The following PDE4B variants were observed in gnomAD, a reference collection of about 807,000 sequenced individuals.
The protein encoded by PDE4B is 3',5'-cyclic-AMP phosphodiesterase 4B.
In PDE4B, 20 loss-of-function variants were observed where a neutral mutation model predicts 82.2. The ratio of observed to expected loss-of-function variants is 0.24; its 90% CI spans 0.17 to 0.35. The LOEUF (loss-of-function observed/expected upper bound fraction) is 0.35, where lower values mean the gene tolerates loss of function less well. PDE4B is among the 10% of genes least tolerant of loss of function. PDE4B has a pLI of 1.00. For missense variants in PDE4B, 655 were observed against 907.2 expected (o/e 0.72, Z 3.57); for synonymous variants, 320 against 318.9 (o/e 1.00, Z -0.04).
At chr1:66,101,604 G>T (rs185625751) in intron 3 of PDE4B, among the ~76,000 whole-genome samples, 8 of 152,086 alleles carry the variant, frequency 5.3e-5, no homozygotes, top group African/African-American at 1.9e-4. Flanking sequence ...ATTTTTTCAT[G>T]TGTCTGTTGG....
At chr1:65,923,322 A>G (rs1647319920) in intron 3 of PDE4B, among the ~76,000 whole-genome samples, 1 of 152,218 alleles carries the variant, frequency 6.6e-6, no homozygotes, top group Non-Finnish European at 1.5e-5. Context: ...TAATAAGCCA[A>G]TTCTGGGCCT....
At chr1:66,204,112 T>C (rs549598713) in intron 3 of PDE4B, among the ~76,000 whole-genome samples, 29 of 152,188 alleles carry the variant, frequency 1.9e-4, no homozygotes, top group East Asian at 1.7e-3. Flanking sequence ...TAGAGGTCCA[T>C]TCCAGACCCT....
intron 3 of PDE4B, among the ~76,000 whole-genome samples, chr1:65,921,168 C>G (rs1446395759): frequency 1.3e-5 from 2 of 151,244 alleles, no homozygotes; most frequent in Non-Finnish European, 2.9e-5. Flanking sequence ...CGGGGTTTCA[C>G]CGTTTTAGCC....
At chr1:66,230,840 G>A (rs139396788) in intron 3 of PDE4B, among the ~76,000 whole-genome samples, 1 of 152,270 alleles carries the variant, frequency 6.6e-6, no homozygotes, top group Admixed American at 6.5e-5. Flanking sequence ...GAGGTCAGGA[G>A]TTTGAGACCA....
At chr1:66,290,425 A>G (rs1656985834) in intron 7 of PDE4B, among the ~76,000 whole-genome samples, 1 of 152,216 alleles carries the variant, frequency 6.6e-6, no homozygotes, top group Non-Finnish European at 1.5e-5. Flanking sequence ...CGTACACTGT[A>G]TCAAAACTGA....
At chr1:65,973,409 G>C (rs1217770805) in intron 3 of PDE4B, among the ~76,000 whole-genome samples, 1 of 152,148 alleles carries the variant, frequency 6.6e-6, no homozygotes, top group East Asian at 1.9e-4. Flanking sequence ...TGAGACAGCT[G>C]GGTTTGAATA....
chr1:65,918,211 T>C (rs1647184307), intron 2 of PDE4B, among the ~76,000 whole-genome samples: 1 of 152,218 alleles, frequency 6.6e-6, no homozygotes, highest in South Asian at 2.1e-4. Flanking sequence ...TATTTTCTCA[T>C]AGTTTGTTCC....
intron 1 of PDE4B, among the ~76,000 whole-genome samples, chr1:65,884,960 A>G (rs1646754844): frequency 6.6e-6 from 1 of 152,248 alleles, no homozygotes; most frequent in Non-Finnish European, 1.5e-5. Context: ...CAATCTACTC[A>G]TCTAATAAAG....
intron 3 of PDE4B, among the ~76,000 whole-genome samples, chr1:65,987,982 AT>A (rs1397912159): frequency 6.6e-6 from 1 of 152,208 alleles, no homozygotes; most frequent in Non-Finnish European, 1.5e-5. Flanking sequence ...TGGTCTACAA[AT>A]ATTTATTGAC....
chr1:66,161,700 G>A (rs975126166), intron 3 of PDE4B, among the ~76,000 whole-genome samples: 5 of 151,900 alleles, frequency 3.3e-5, no homozygotes, highest in African/African-American at 1.2e-4. Context: ...AGACACTGAG[G>A]GTCTATGGAA....
chr1:66,157,907 A>G (rs1380453264), intron 3 of PDE4B, among the ~76,000 whole-genome samples: 7 of 152,106 alleles, frequency 4.6e-5, no homozygotes, highest in Non-Finnish European at 1.0e-4. Context: ...ATATTTTTTG[A>G]TATCTCTAGC....
intron 3 of PDE4B, among the ~76,000 whole-genome samples, chr1:66,110,087 T>C (rs957628625): frequency 6.6e-6 from 1 of 152,026 alleles, no homozygotes; most frequent in Non-Finnish European, 1.5e-5. Flanking sequence ...GGGTACCATA[T>C]AAACCTGATT....
intron 7 of PDE4B, among the ~76,000 whole-genome samples, chr1:66,295,836 C>T (rs1347772904): frequency 1.3e-5 from 2 of 152,162 alleles, no homozygotes; most frequent in East Asian, 3.8e-4. Flanking sequence ...CTCTCTGCAG[C>T]ACCCTCTAAA....
At chr1:66,195,430 G>T (rs1648214291) in intron 3 of PDE4B, among the ~76,000 whole-genome samples, 1 of 152,122 alleles carries the variant, frequency 6.6e-6, no homozygotes, top group African/African-American at 2.4e-5. Context: ...ATGGGGAACA[G>T]CCAAAGGGCC....
intron 1 of PDE4B, among the ~76,000 whole-genome samples, chr1:65,824,803 G>T (rs1474234357): frequency 6.6e-6 from 1 of 152,150 alleles, no homozygotes; most frequent in Non-Finnish European, 1.5e-5. Context: ...ATACAGCTTT[G>T]TTGCTGCCTC....
intron 3 of PDE4B, among the ~76,000 whole-genome samples, chr1:66,021,732 A>G (rs1376431359): frequency 6.6e-6 from 1 of 152,144 alleles, no homozygotes; most frequent in African/African-American, 2.4e-5. Flanking sequence ...GTATAGTTTG[A>G]AGTCAGGTAG....
At chr1:66,359,512 T>C (rs1468057728) in intron 9 of PDE4B, among the ~76,000 whole-genome samples, 1 of 152,230 alleles carries the variant, frequency 6.6e-6, no homozygotes, top group Non-Finnish European at 1.5e-5. Flanking sequence ...GAAACACCCA[T>C]TAATGTCAAA....
chr1:66,250,012 C>T (rs895059521), intron 4 of PDE4B, among the ~76,000 whole-genome samples: 13 of 152,204 alleles, frequency 8.5e-5, no homozygotes, highest in Admixed American at 2.0e-4. Flanking sequence ...TTTCACAACA[C>T]GCTGAGAAGT....
chr1:66,070,677 A>G (rs908226843), intron 3 of PDE4B, among the ~76,000 whole-genome samples: 1 of 152,030 alleles, frequency 6.6e-6, no homozygotes, highest in Admixed American at 6.6e-5. Flanking sequence ...CAGGAAAGGA[A>G]AGAGAAAAAA....
Sources: gnomAD v4.1 joint callset for allele counts (sites outside exome capture counted in the v4.1 genomes callset) on GRCh38, gnomAD v4.1.1 for gene constraint, MANE v1.5 for transcripts, NCBI Gene and HGNC (gene_info 2026-07-23, HGNC 2026-07-21) for gene names.